The following THRB variants were observed in gnomAD, a reference collection of about 807,000 sequenced individuals.
The protein encoded by THRB is nuclear receptor subfamily 1 group A member 2.
THRB carries 12 observed loss-of-function variants against 47.8 expected under a neutral mutation model. That is an observed-to-expected ratio of 0.25 (90% CI 0.16 to 0.41). The LOEUF (loss-of-function observed/expected upper bound fraction) is 0.41. THRB is among the 10% of genes least tolerant of loss of function. THRB has a pLI of 1.00. For synonymous variants in THRB, 218 were observed against 212.2 expected (o/e 1.03, Z -0.24); for missense variants, 348 against 589.2 (o/e 0.59, Z 4.24).
chr3:24,335,306 T>A (rs556220717), intron 2 of THRB, among the ~76,000 whole-genome samples: 1 of 152,268 alleles, frequency 6.6e-6, no homozygotes, highest in East Asian at 1.9e-4. Context: ...TGCTTGGAAT[T>A]CCTTGAGAGT....
chr3:24,457,559 T>G (rs747813295), intron 1 of THRB, among the ~76,000 whole-genome samples: 49 of 152,184 alleles, frequency 3.2e-4, no homozygotes, highest in Non-Finnish European at 4.1e-4. Flanking sequence ...TGACATTGTC[T>G]TAAAAGGCAA....
intron 3 of THRB, among the ~76,000 whole-genome samples, chr3:24,247,921 A>G (rs530487263): frequency 6.6e-6 from 1 of 151,702 alleles, no homozygotes; most frequent in Non-Finnish European, 1.5e-5. Context: ...TTTTTAATAT[A>G]TAAAGCACAG....
intron 1 of THRB, among the ~76,000 whole-genome samples, chr3:24,440,698 T>C (rs1462126460): frequency 6.6e-6 from 1 of 152,120 alleles, no homozygotes; most frequent in Non-Finnish European, 1.5e-5. Flanking sequence ...AATAAAAAGA[T>C]GATTTTTTTC....
At chr3:24,309,563 T>G (rs377306268) in intron 2 of THRB, among the ~76,000 whole-genome samples, 2 of 152,352 alleles carry the variant, frequency 1.3e-5, no homozygotes, top group South Asian at 4.1e-4. Flanking sequence ...ACAGTTGATA[T>G]TCAGTAAATA....
chr3:24,439,397 C>T (rs572728779), intron 1 of THRB, among the ~76,000 whole-genome samples: 14 of 152,228 alleles, frequency 9.2e-5, no homozygotes, highest in East Asian at 3.9e-4. Flanking sequence ...AATTTAGAGC[C>T]GGACGCCCTC....
intron 1 of THRB, among the ~76,000 whole-genome samples, chr3:24,470,059 C>A (rs1398838322): frequency 6.6e-6 from 1 of 152,210 alleles, no homozygotes; most frequent in Non-Finnish European, 1.5e-5. Context: ...ACTCCCAAAG[C>A]TGAAGCCCTG....
At chr3:24,242,025 A>G (rs745463) in intron 3 of THRB, among the ~76,000 whole-genome samples, 1 of 152,046 alleles carries the variant, frequency 6.6e-6, no homozygotes. Context: ...AACATGAGTT[A>G]TTTCTTGAAG....
At chr3:24,189,486 A>G (rs979799974) in intron 5 of THRB, among the ~76,000 whole-genome samples, 4 of 151,902 alleles carry the variant, frequency 2.6e-5, no homozygotes, top group African/African-American at 9.7e-5. Context: ...GAACAGTTAA[A>G]TCTAATGCAA....
At chr3:24,165,169 G>C (rs745940342) in intron 5 of THRB, 19 of 764,948 alleles carry the variant, frequency 2.5e-5, no homozygotes, top group Non-Finnish European at 4.5e-5. Flanking sequence ...GGTAACTACA[G>C]GTATAAGGCT....
chr3:24,394,337 G>A (rs1272060990), intron 1 of THRB, among the ~76,000 whole-genome samples: 1 of 152,132 alleles, frequency 6.6e-6, no homozygotes, highest in African/African-American at 2.4e-5. Context: ...AAATCTACCT[G>A]AGTGAGAGCC....
At chr3:24,240,953 G>A (rs1200559070) in intron 3 of THRB, among the ~76,000 whole-genome samples, 2 of 152,042 alleles carry the variant, frequency 1.3e-5, no homozygotes, top group South Asian at 2.1e-4. Flanking sequence ...ACCAGCACAC[G>A]GTCAGCCTTC....
intron 3 of THRB, among the ~76,000 whole-genome samples, chr3:24,267,366 T>C (rs954836405): frequency 3.3e-5 from 5 of 151,088 alleles, no homozygotes; most frequent in African/African-American, 1.2e-4. Context: ...TAGAAACTTT[T>C]CCTGAAAAAA....
chr3:24,367,756 C>T (rs902532153), intron 1 of THRB, among the ~76,000 whole-genome samples: 1 of 152,172 alleles, frequency 6.6e-6, no homozygotes, highest in African/African-American at 2.4e-5. Flanking sequence ...AAGTAGATTA[C>T]AACAAGAAAT....
chr3:24,347,898 A>C (rs929910385), intron 1 of THRB, among the ~76,000 whole-genome samples: 2 of 152,132 alleles, frequency 1.3e-5, no homozygotes, highest in Non-Finnish European at 2.9e-5. Flanking sequence ...TAAATACTTA[A>C]AGGAAAAACC....
intron 1 of THRB, among the ~76,000 whole-genome samples, chr3:24,441,966 AGCATGTGAGAACT>A (rs942663837): frequency 3.9e-5 from 6 of 152,202 alleles, no homozygotes; most frequent in African/African-American, 1.4e-4. Flanking sequence ...AGGTAGGATA[AGCATGTGAGAACT>A]GCCACTTTTT....
chr3:24,306,548 G>A (rs2057349990), intron 2 of THRB, among the ~76,000 whole-genome samples: 1 of 149,562 alleles, frequency 6.7e-6, no homozygotes. Flanking sequence ...TTTCCTGCAT[G>A]TATCTGGCTA....
chr3:24,335,775 C>T (rs2062210068), intron 2 of THRB, among the ~76,000 whole-genome samples: 1 of 152,116 alleles, frequency 6.6e-6, no homozygotes, highest in African/African-American at 2.4e-5. Context: ...TGTCTAATGC[C>T]TCAGGTTTTC....
At chr3:24,343,443 C>A (rs1314699249) in intron 1 of THRB, among the ~76,000 whole-genome samples, 1 of 152,144 alleles carries the variant, frequency 6.6e-6, no homozygotes, top group Admixed American at 6.5e-5. Context: ...AATAATCTAG[C>A]TGAACCTGAA....
intron 4 of THRB, among the ~76,000 whole-genome samples, chr3:24,209,337 A>G (rs112581666): frequency 2.0e-5 from 3 of 152,368 alleles, no homozygotes; most frequent in East Asian, 1.9e-4. Context: ...TATATACCCA[A>G]AGGATTATAA....
Sources: gnomAD v4.1 joint callset for allele counts (sites outside exome capture counted in the v4.1 genomes callset) on GRCh38, gnomAD v4.1.1 for gene constraint, MANE v1.5 for transcripts, NCBI Gene and HGNC (gene_info 2026-07-23, HGNC 2026-07-21) for gene names.